The following ANK2 variants were observed in gnomAD, a reference collection of about 807,000 sequenced individuals.
The protein encoded by ANK2 is ankyrin 2.
In ANK2, 83 loss-of-function variants were observed where a neutral mutation model predicts 360.5. The ratio of observed to expected loss-of-function variants is 0.23; its 90% CI spans 0.19 to 0.28. ANK2 has a LOEUF of 0.28. Ranked by LOEUF, ANK2 falls within the 10% of genes least tolerant of loss-of-function variation. The probability of loss-of-function intolerance (pLI) is 1.00; values close to 1 mark genes in which losing one functional copy is unlikely to be tolerated. For synonymous variants in ANK2, 1,740 were observed against 1,759.5 expected, an observed-to-expected ratio of 0.99 and a Z score of 0.28; for missense variants, 4,201 against 4,795.7, an observed-to-expected ratio of 0.88 and a Z score of 3.66.
chr4:113,181,200 G>C (rs2098403610), intron 2 of ANK2, among the ~76,000 whole-genome samples: 1 of 152,156 alleles, frequency 6.6e-6, no homozygotes, highest in Admixed American at 6.5e-5. Flanking sequence ...GCTGGGAGTA[G>C]CTTCATGCAA....
At chr4:113,130,643 T>G (rs1372685775) in intron 1 of ANK2, among the ~76,000 whole-genome samples, 1 of 152,126 alleles carries the variant, frequency 6.6e-6, no homozygotes, top group Non-Finnish European at 1.5e-5. Flanking sequence ...GAGAACAGCA[T>G]CCAGCCAGGA....
intron 4 of ANK2, among the ~76,000 whole-genome samples, chr4:113,217,503 G>A (rs1468223): frequency 0.11 from 16,365 of 152,212 alleles, 1,035 homozygotes; most frequent in East Asian, 0.18. Flanking sequence ...GACCGATTTT[G>A]TTGAAGACAT....
chr4:112,963,285 G>C (rs1340156914), intron 2 of ANK2, among the ~76,000 whole-genome samples: 1 of 152,092 alleles, frequency 6.6e-6, no homozygotes, highest in Non-Finnish European at 1.5e-5. Flanking sequence ...TGATACTAAA[G>C]CCATTTACAC....
In ANK2 at chr4:113,336,562, T is replaced by G. The variant is rs2093569515; in HGVS notation, c.3592-15T>G. 3.1e-6 allele frequency: 5 copies of G among 1,609,178 alleles called. No individual in the cohort carries two copies. Among genetic ancestry groups the G allele is most frequent in the African/African-American group, 1.3e-5 (1 of 74,776 alleles). ...TATACACAAATATATATGTGTGTGT[T>G]TTTACTTTGAAAAGGCTCAACCTAT... On this transcript the variant is annotated splice_polypyrimidine_tract_variant and intron_variant, in intron 30 of 45. Coordinates refer to ENST00000357077, the MANE Select transcript of ANK2 (RefSeq NM_001148.6).
chr4:113,143,958 A>C (rs1185280377), intron 1 of ANK2, among the ~76,000 whole-genome samples: 3 of 152,186 alleles, frequency 2.0e-5, no homozygotes, highest in African/African-American at 7.2e-5. Context: ...CCCAGCCAAC[A>C]GTCTAATCTT....
At chr4:113,012,424 A>G (rs138246599) in intron 2 of ANK2, among the ~76,000 whole-genome samples, 75 of 152,244 alleles carry the variant, frequency 4.9e-4, no homozygotes, top group Middle Eastern at 6.8e-3. Flanking sequence ...CTTTCCTTTC[A>G]GAGAATAAGC....
chr4:112,775,390 G>A, the ANK2 span, among the ~76,000 whole-genome samples: 1 of 151,866 alleles, frequency 6.6e-6, no homozygotes, highest in African/African-American at 2.4e-5. Context: ...GTGGTGGCAC[G>A]TGCCTGTAAT....
chr4:112,824,136 C>CATCTATCTATCTATCT (rs35729539), intron 1 of ANK2, among the ~76,000 whole-genome samples: 94 of 148,062 alleles, frequency 6.3e-4, no homozygotes, highest in East Asian at 2.4e-3. Flanking sequence ...AGGTCTTCAG[C>CATCTATCTATCTATCT]ATCTATCTAT....
rs771705870 is a variant in ANK2 at position 113,341,778 on chromosome 4, C to T, written c.3984C>T (p.Ala1328=). The change falls in exon 33 of 46, where the codon GCC becomes GCT. Residue 1328 remains alanine (A), a synonymous_variant. Transcript: ENST00000357077. ...YREIICVPYM[A]KFVVFAKSHD... ...AAATTATCTGCGTACCTTATATGGCCAAATTTGTAGTGTTTGCCAAATCAC... is the reference window on the plus strand; with the variant it reads ...AAATTATCTGCGTACCTTATATGGCTAAATTTGTAGTGTTTGCCAAATCAC... The T allele has an allele frequency of 2.5e-6, 4 of 1,614,052 alleles. No individual in the cohort carries two copies. In the Admixed American group the frequency reaches 5.0e-5, roughly 20 times the overall value.
At chr4:113,226,190 C>T (rs934861438) in intron 4 of ANK2, among the ~76,000 whole-genome samples, 1 of 152,152 alleles carries the variant, frequency 6.6e-6, no homozygotes, top group Admixed American at 6.5e-5. Flanking sequence ...AATGTATCCT[C>T]CCCATTCCTC....
intron 24 of ANK2, among the ~76,000 whole-genome samples, chr4:113,313,302 T>C (rs756141216): frequency 6.6e-6 from 1 of 152,252 alleles, no homozygotes; most frequent in Non-Finnish European, 1.5e-5. Flanking sequence ...ATTTTTTGCA[T>C]GGTCTCCCTT....
chr4:113,364,895 T>C, intron 40 of ANK2, 144 bp from the exon 41 acceptor site: 1 of 1,056,322 alleles, frequency 9.5e-7, no homozygotes, highest in Non-Finnish European at 1.4e-6. Context: ...TTTTGTCTGT[T>C]GGCTTATTTT....
intron 1 of ANK2, among the ~76,000 whole-genome samples, chr4:113,149,813 G>A (rs1263556872): frequency 1.5e-5 from 2 of 136,242 alleles, no homozygotes; most frequent in Non-Finnish European, 3.1e-5. Context: ...GGAGGTGGAG[G>A]CTGCAGTGAA....
chr4:113,228,555 T>C (rs2153520527), intron 4 of ANK2, among the ~76,000 whole-genome samples: 1 of 152,334 alleles, frequency 6.6e-6, no homozygotes, highest in South Asian at 2.1e-4. Context: ...ATGGTATATA[T>C]ACGTACCACA....
chr4:112,887,349 G>T (rs1389604019), intron 1 of ANK2, among the ~76,000 whole-genome samples: 1 of 152,160 alleles, frequency 6.6e-6, no homozygotes, highest in Non-Finnish European at 1.5e-5. Context: ...CCAACTGTAG[G>T]CTAATGTAAG....
the ANK2 span, among the ~76,000 whole-genome samples, chr4:112,756,482 G>A: frequency 0.14 from 21,249 of 152,096 alleles, 2,258 homozygotes; most frequent in East Asian, 0.49. Context: ...ATTAGTGGTG[G>A]GATTGTGTCT....
At chr4:113,091,407 A>C (rs1264116501) in intron 1 of ANK2, among the ~76,000 whole-genome samples, 1 of 152,182 alleles carries the variant, frequency 6.6e-6, no homozygotes, top group Non-Finnish European at 1.5e-5. Flanking sequence ...AGTCTTTAAG[A>C]GATGTGATAT....
chr4:113,232,208 T>A lies in ANK2; in HGVS notation c.432T>A (p.Asp144Glu). ...LYMAAQENHI[D>E]VVKYLLENGA... ...TGGCTGCCCAAGAGAATCACATTGA[T>A]GTTGTAAAATATTTGCTGGAAAATG... The change falls in exon 5 of 46, where the codon GAT becomes GAA. Residue 144 changes from aspartate to glutamate, a missense_variant. Transcript: ENST00000357077. 1 of 1,608,454 alleles carries A rather than the reference T, an allele frequency of 6.2e-7. No individual in the cohort carries two copies. The highest frequency in any genetic ancestry group is 1.1e-5 in the South Asian group (1 of 90,968).
At chr4:112,754,111 GTA>G in the ANK2 span, among the ~76,000 whole-genome samples, 15,443 of 110,688 alleles carry the variant, frequency 0.14, 1,202 homozygotes, top group Non-Finnish European at 0.19. Flanking sequence ...AAAAAAAAAA[GTA>G]TATATATATA....
Sources: gnomAD v4.1 joint callset for allele counts (sites outside exome capture counted in the v4.1 genomes callset) on GRCh38, gnomAD v4.1.1 for gene constraint, MANE v1.5 for transcripts, NCBI Gene and HGNC (gene_info 2026-07-23, HGNC 2026-07-21) for gene names.